The following POC1B variants were observed in gnomAD, a reference collection of about 807,000 sequenced individuals.
POC1B encodes the protein POC1 centriolar protein homolog B.
A neutral mutation model predicts 60.6 loss-of-function variants in POC1B; 44 were observed. The ratio of observed to expected loss-of-function variants is 0.73; its 90% CI spans 0.57 to 0.93. The LOEUF (loss-of-function observed/expected upper bound fraction) is 0.93, where lower values mean the gene tolerates loss of function less well. POC1B is among the 40% of genes least tolerant of loss of function. POC1B has a pLI of 0.00. For missense variants in POC1B, 555 were observed against 572.3 expected, an observed-to-expected ratio of 0.97 and a Z score of 0.31; for synonymous variants, 180 against 198.9, an observed-to-expected ratio of 0.90 and a Z score of 0.80.
At chr12:89,500,433 A>G in intron 2 of POC1B, 1 of 1,546,104 alleles carries the variant, frequency 6.5e-7, no homozygotes, top group Non-Finnish European at 8.9e-7. Context: ...GTTCAGGCCC[A>G]TGAAGTTCGT....
At position 89,459,683 on chromosome 12, in the gene POC1B, G is replaced by A. The variant is rs1219402263; in HGVS notation, c.1068C>T (p.Ile356=). The part of the protein sequence containing the change: ...NPKLEVIDLQ[I]STPPVMDILS... ...GGATATCCATAACAGGGGGAGTAGA[G>A]ATCTGCAAATCGATTACCTCAAGCT... Residue 356 remains isoleucine (I), a synonymous_variant, in exon 10 of 12, where the codon ATC becomes ATT. Transcript: ENST00000313546. 25 of 1,535,254 alleles carry A rather than the reference G, an allele frequency of 1.6e-5. No individual in the cohort carries two copies. Among genetic ancestry groups the A allele is most frequent in the Non-Finnish European group, 2.2e-5 (25 of 1,140,416 alleles).
chr12:89,444,220 A>G (rs1011320624), intron 10 of POC1B, among the ~76,000 whole-genome samples: 1 of 152,190 alleles, frequency 6.6e-6, no homozygotes, highest in Non-Finnish European at 1.5e-5. Context: ...ATTCCAATCA[A>G]CAGAAAATGA....
At chr12:89,430,238 C>G (rs1265034427) in intron 10 of POC1B, among the ~76,000 whole-genome samples, 1 of 152,138 alleles carries the variant, frequency 6.6e-6, no homozygotes, top group Non-Finnish European at 1.5e-5. Flanking sequence ...ATGCAAAGAA[C>G]TACGAAAGTC....
At position 89,491,056 on chromosome 12, in the gene POC1B, C is replaced by T. The variant is rs148983301; in HGVS notation, c.452+880G>A. ...GAGGAGGGCACTACACTGGCATCTCCTCTCACCCAGGGCACAAGTCAGCGC... is the reference window on the plus strand; with the variant it reads ...GAGGAGGGCACTACACTGGCATCTCTTCTCACCCAGGGCACAAGTCAGCGC... On this transcript the variant is annotated intron_variant, in intron 4 of 11. Coordinates refer to ENST00000313546, the MANE Select transcript of POC1B (RefSeq NM_172240.3). Among the ~76,000 whole-genome samples the T allele has an allele frequency of 1.2e-3, 181 of 152,156 alleles. 2 individuals carry two copies. The highest frequency in any genetic ancestry group is 4.2e-3 in the African/African-American group (174 of 41,518).
rs1421293552 is a variant in POC1B, at chr12:89,419,861, C to T, written c.*1292G>A. On this transcript the variant is annotated 3_prime_UTR_variant, in exon 12 of 12. Coordinates refer to ENST00000313546, the MANE Select transcript of POC1B (RefSeq NM_172240.3). ...GTTTTTGTAAGCTCTTGAAAATGTC[C>T]AGAAGCTCACACTTAGTATGATATT... is the stretch of plus-strand genomic sequence containing the variant. 1 of 152,038 alleles carries T rather than the reference C, an allele frequency of 6.6e-6. No individual in the cohort carries two copies. Among genetic ancestry groups the T allele is most frequent in the African/African-American group, 2.4e-5 (1 of 41,370 alleles). The allele number at this position is 152,038 out of a possible 1,614,324, so 9.4% of individuals were successfully genotyped here.
At chr12:89,446,267 G>A (rs1881780850) in intron 10 of POC1B, among the ~76,000 whole-genome samples, 1 of 152,158 alleles carries the variant, frequency 6.6e-6, no homozygotes, top group Non-Finnish European at 1.5e-5. Context: ...TATACCCAAA[G>A]GACTATAAAT....
intron 10 of POC1B, chr12:89,426,480 A>C (rs1880769682): frequency 6.6e-6 from 1 of 152,268 alleles, no homozygotes; most frequent in Non-Finnish European, 1.5e-5. Flanking sequence ...AATTAAGAAA[A>C]TAATTCCATT....
At chr12:89,413,398 T>C in the POC1B span, among the ~76,000 whole-genome samples, 1 of 152,134 alleles carries the variant, frequency 6.6e-6, no homozygotes, top group Admixed American at 6.5e-5. Context: ...AGTCTCACTA[T>C]GCTGCCCAGG....
At chr12:89,516,763 T>C (rs1374722424) in intron 2 of POC1B, among the ~76,000 whole-genome samples, 2 of 152,206 alleles carry the variant, frequency 1.3e-5, no homozygotes, top group African/African-American at 4.8e-5. Context: ...CCAAAGGCTC[T>C]AGGGGATATC....
chr12:89,459,993 A>T (rs1185645958), intron 9 of POC1B: 3 of 431,924 alleles, frequency 6.9e-6, no homozygotes, highest in Non-Finnish European at 1.3e-5. Context: ...AAGGAATATT[A>T]AAAATAAAAT....
the POC1B span, among the ~76,000 whole-genome samples, chr12:89,407,710 C>T: frequency 6.6e-6 from 1 of 152,216 alleles, no homozygotes. Context: ...TTAAGAAGAA[C>T]TGCTTATAAG....
At chr12:89,416,739 G>A (rs1032053465), downstream of POC1B, among the ~76,000 whole-genome samples, 1 of 152,116 alleles carries the variant, frequency 6.6e-6, no homozygotes, top group Non-Finnish European at 1.5e-5. Flanking sequence ...ACCTAATTTA[G>A]TTAATATAAA....
At chr12:89,409,779 CCAA>C in the POC1B span, among the ~76,000 whole-genome samples, 1 of 152,160 alleles carries the variant, frequency 6.6e-6, no homozygotes, top group Non-Finnish European at 1.5e-5. Flanking sequence ...CCTGAATGGA[CCAA>C]CAACAAGTTC....
intron 4 of POC1B, among the ~76,000 whole-genome samples, chr12:89,487,050 AATTAATATTAT>A (rs1439929100): frequency 6.6e-6 from 1 of 152,056 alleles, no homozygotes; most frequent in Non-Finnish European, 1.5e-5. Flanking sequence ...CTCTCTTCTG[AATTAATATTAT>A]TTTTAGGTCA....
intron 10 of POC1B, among the ~76,000 whole-genome samples, chr12:89,455,261 G>A (rs1882206930): frequency 6.6e-6 from 1 of 152,192 alleles, no homozygotes; most frequent in African/African-American, 2.4e-5. Flanking sequence ...CTTGAACCCA[G>A]GAACTGGAGG....
intron 10 of POC1B, among the ~76,000 whole-genome samples, chr12:89,443,745 A>G (rs1418647355): frequency 2.0e-5 from 3 of 151,928 alleles, no homozygotes; most frequent in Non-Finnish European, 4.4e-5. Context: ...GCAAGAAATA[A>G]CTAAGATCAG....
intron 10 of POC1B, among the ~76,000 whole-genome samples, chr12:89,445,904 T>G (rs570646424): frequency 1.8e-4 from 28 of 152,106 alleles, no homozygotes; most frequent in African/African-American, 6.5e-4. Flanking sequence ...CTTAAACAAA[T>G]TTACAAGAAA....
At chr12:89,471,362 G>GA (rs1487906687) in intron 6 of POC1B, among the ~76,000 whole-genome samples, 1 of 152,160 alleles carries the variant, frequency 6.6e-6, no homozygotes, top group Admixed American at 6.5e-5. Context: ...ACCAGAATTT[G>GA]AAAATCTCAT....
chr12:89,401,907 C>T, the POC1B span, among the ~76,000 whole-genome samples: 7 of 152,298 alleles, frequency 4.6e-5, no homozygotes, highest in South Asian at 2.1e-4. Context: ...ATGCAAACAA[C>T]GAACAATACG....
Sources: allele counts gnomAD v4.1 joint callset (sites outside exome capture counted in the v4.1 genomes callset), GRCh38; gene constraint gnomAD v4.1.1; transcripts MANE v1.5; gene names NCBI Gene and HGNC (gene_info 2026-07-23, HGNC 2026-07-21).